The following TRPM2 variants were observed in gnomAD, a reference collection of about 807,000 sequenced individuals.
The protein encoded by TRPM2 is estrogen-responsive element-associated gene 1 protein.
TRPM2 carries 161 observed loss-of-function variants against 174.0 expected under a neutral mutation model. That is an observed-to-expected ratio of 0.93 (90% CI 0.81 to 1.05). The LOEUF is 1.05. Among genes scored for constraint, TRPM2 ranks in the 50% least tolerant of loss-of-function variants. The probability of loss-of-function intolerance (pLI) is 0.00; values close to 1 mark genes in which losing one functional copy is unlikely to be tolerated. For synonymous variants in TRPM2, 954 were observed against 861.3 expected (o/e 1.11, Z -1.88); for missense variants, 2,057 against 2,038.0 (o/e 1.01, Z -0.18).
Position 44,367,955 on chromosome 21 carries a change from T to C in TRPM2, c.604+1021T>C, listed in dbSNP as rs558903959. 6.6e-5 allele frequency among the ~76,000 whole-genome samples: 10 copies of C among 152,358 alleles called. No homozygotes were observed. The East Asian group carries it at 1.9e-3, about 29-fold the overall frequency. On this transcript the variant is annotated intron_variant, in intron 4 of 31. Transcript: ENST00000397928. This position sits in a 1 kb window ranked among gnomAD's most constrained non-coding sequence, Gnocchi z 4.6. ...AGGCTCTTTCTGAAGCTTTGCTGCCTCAAATAATGCCATGGATTTGTTCAG... is the reference window on the plus strand; with the variant it reads ...AGGCTCTTTCTGAAGCTTTGCTGCCCCAAATAATGCCATGGATTTGTTCAG...
In TRPM2 at chr21:44,367,680, C is replaced by T. The variant is rs2048400467; in HGVS notation, c.604+746C>T. ...GGTGACTACTTGGCAATGTTGCGTC[C>T]GGATGGGCCTAGAGTCACCCTGCTC... On this transcript the variant is annotated intron_variant, in intron 4 of 31. Coordinates refer to ENST00000397928, the MANE Select transcript of TRPM2 (RefSeq NM_003307.4). The surrounding 1 kb of genome is among the most constrained non-coding windows in gnomAD (Gnocchi z 4.6). 1.3e-5 allele frequency among the ~76,000 whole-genome samples: 2 copies of T among 152,184 alleles called. No individual in the cohort carries two copies. Among genetic ancestry groups the T allele is most frequent in the South Asian group, 2.1e-4 (1 of 4,826 alleles).
intron 2 of TRPM2, among the ~76,000 whole-genome samples, chr21:44,357,783 G>A (rs900371658): frequency 6.6e-5 from 10 of 152,192 alleles, no homozygotes; most frequent in Non-Finnish European, 1.2e-4. Context: ...CAAAAGCCCC[G>A]TTCCCAGACA....
rs761772781 is a variant in TRPM2, at chr21:44,425,801, G to C, written c.3769G>C (p.Val1257Leu). ...YPNCPVTRFP[V>L]PNEKVPWETE... ...CAACTGCCCTGTCACGCGCTTCCCC[G>C]TGCCCAACGAGAAGGTGCCCTGGGA... Residue 1257 changes from valine (V) to leucine (L), a missense_variant, in exon 25 of 32, where the codon GTG becomes CTG. Val to Leu is a conservative substitution (Grantham distance 32). Coordinates refer to ENST00000397928, the MANE Select transcript of TRPM2 (RefSeq NM_003307.4). 6.3e-7 allele frequency: 1 copy of C among 1,580,206 alleles called. No individual in the cohort carries two copies. The highest frequency in any genetic ancestry group is 8.7e-7 in the Non-Finnish European group (1 of 1,155,490).
chr21:44,432,264 C>T lies in TRPM2; in HGVS notation c.3975-2867C>T, dbSNP rs569362237. 6.6e-6 allele frequency among the ~76,000 whole-genome samples: 1 copy of T among 152,332 alleles called. No homozygotes were observed. Among genetic ancestry groups the T allele is most frequent in the African/African-American group, 2.4e-5 (1 of 41,568 alleles). On this transcript the variant is annotated intron_variant, in intron 27 of 31. Coordinates refer to ENST00000397928, the MANE Select transcript of TRPM2 (RefSeq NM_003307.4). This position sits in a 1 kb window ranked among gnomAD's most constrained non-coding sequence, Gnocchi z 4.9. ...CTGAGGGCTTGAGGGGAGACCTCTTCCTGCCTCTCCAGCTCCTGGTGTTCC... is the reference window on the plus strand; with the variant it reads ...CTGAGGGCTTGAGGGGAGACCTCTTTCTGCCTCTCCAGCTCCTGGTGTTCC...
intron 2 of TRPM2, among the ~76,000 whole-genome samples, chr21:44,359,195 T>C (rs940739190): frequency 3.3e-5 from 5 of 151,336 alleles, no homozygotes; most frequent in Admixed American, 3.3e-4. Context: ...CATTTTACAG[T>C]GTGCGGATTG....
At chr21:44,403,840 CAT>C (rs989171554) in intron 16 of TRPM2, among the ~76,000 whole-genome samples, 1 of 151,684 alleles carries the variant, frequency 6.6e-6, no homozygotes, top group African/African-American at 2.4e-5. Context: ...TGCATACACA[CAT>C]TACACGTGTG....
chr21:44,440,940 G>A (rs1405199597), intron 31 of TRPM2, 35 bp downstream of exon 31: 1 of 1,596,002 alleles, frequency 6.3e-7, no homozygotes, highest in Non-Finnish European at 8.6e-7. Flanking sequence ...CGGGAGTGGG[G>A]AGGCAGGGAC....
intron 27 of TRPM2, among the ~76,000 whole-genome samples, chr21:44,433,239 G>C (rs748158633): frequency 6.6e-6 from 1 of 152,262 alleles, no homozygotes. Context: ...ACAGTGAGAT[G>C]ACAGCAGGGC....
chr21:44,381,190 C>T lies in TRPM2; in HGVS notation c.1216-1528C>T, dbSNP rs60578912. On this transcript the variant is annotated intron_variant, in intron 8 of 31. Coordinates refer to ENST00000397928, the MANE Select transcript of TRPM2 (RefSeq NM_003307.4). The stretch of plus-strand genomic sequence containing the variant: ...ATGTGGAGGCAATGGGGCCAGGCTG[C>T]GGACGAGGAGAGAAGCAGGGGAGGC... Among the ~76,000 whole-genome samples the T allele has an allele frequency of 6.6e-5, 10 of 151,922 alleles. No homozygotes were observed. The East Asian group carries it at 9.7e-4, about 15-fold the overall frequency.
chr21:44,362,162 TC>T (rs2048226783), intron 2 of TRPM2, among the ~76,000 whole-genome samples: 3 of 152,262 alleles, frequency 2.0e-5, no homozygotes, highest in African/African-American at 7.2e-5. Flanking sequence ...TACATCTCTG[TC>T]CCCTTCTTAA....
intron 5 of TRPM2, among the ~76,000 whole-genome samples, chr21:44,373,585 G>A (rs188509238): frequency 3.8e-5 from 4 of 106,228 alleles, no homozygotes; most frequent in South Asian, 3.0e-4. Context: ...CATTATATGC[G>A]ACCTGCATTA....
At chr21:44,419,570 G>GTGGTGGGGTGC (rs1569097423) in intron 22 of TRPM2, among the ~76,000 whole-genome samples, 23 of 148,730 alleles carry the variant, frequency 1.5e-4, no homozygotes, top group South Asian at 4.3e-4. Flanking sequence ...GATGGTGGTG[G>GTGGTGGGGTGC]TGGTGATGGT....
intron 4 of TRPM2, among the ~76,000 whole-genome samples, chr21:44,368,562 G>A (rs1038885358): frequency 6.6e-6 from 1 of 152,060 alleles, no homozygotes; most frequent in Non-Finnish European, 1.5e-5. Flanking sequence ...CTCCTGAGTA[G>A]CTGGGACTGC....
intron 19 of TRPM2, among the ~76,000 whole-genome samples, chr21:44,407,476 T>TA (rs1044767227): frequency 1.1e-5 from 1 of 93,180 alleles, no homozygotes; most frequent in African/African-American, 3.7e-5. Context: ...TTTTTTTTTT[T>TA]AACAGCTTCA....
At chr21:44,361,191 A>C (rs1474171228) in intron 2 of TRPM2, among the ~76,000 whole-genome samples, 1 of 152,114 alleles carries the variant, frequency 6.6e-6, no homozygotes, top group Non-Finnish European at 1.5e-5. Context: ...TCTGGAGTGC[A>C]ATGGCACGAT....
Position 44,405,408 on chromosome 21 carries a change from G to A in TRPM2, c.2657+148G>A, listed in dbSNP as rs1378105943. ...TGTCATCTGTCCAATGGGTGTCCAG[G>A]CAACAGCGCCCCACCTACCCTTGGG... On this transcript the variant is annotated intron_variant, in intron 17 of 31. Coordinates refer to ENST00000397928, the MANE Select transcript of TRPM2 (RefSeq NM_003307.4). 36 of 1,232,646 alleles carry A rather than the reference G, an allele frequency of 2.9e-5. No individual in the cohort carries two copies. In the East Asian group the frequency reaches 8.7e-4, roughly 30 times the overall value. The allele number at this position is 1,232,646 out of a possible 1,614,324, so 76.4% of individuals were successfully genotyped here.
intron 16 of TRPM2, among the ~76,000 whole-genome samples, chr21:44,403,939 CACAT>C (rs1478530482): frequency 3.1e-5 from 4 of 130,080 alleles, no homozygotes; most frequent in Admixed American, 8.2e-5. Flanking sequence ...ACACAATATA[CACAT>C]ACACATATGC....
At chr21:44,401,922 G>T (rs200023710) in intron 16 of TRPM2, 25 bp downstream of exon 16, 1 of 1,612,674 alleles carries the variant, frequency 6.2e-7, no homozygotes, top group Non-Finnish European at 8.5e-7. Context: ...GCTTTTCCAC[G>T]CCCCAGCCCG....
chr21:44,379,791 C>T (rs1297618817), intron 8 of TRPM2, among the ~76,000 whole-genome samples: 4 of 152,220 alleles, frequency 2.6e-5, no homozygotes, highest in Admixed American at 2.6e-4. Context: ...GAGAGCCTCT[C>T]CCCTCCCTGT....
Sources: gnomAD v4.1 joint callset for allele counts (sites outside exome capture counted in the v4.1 genomes callset) on GRCh38, gnomAD v4.1.1 for gene constraint, Gnocchi (gnomAD v3.1) non-coding constraint, MANE v1.5 for transcripts, NCBI Gene and HGNC (gene_info 2026-07-23, HGNC 2026-07-21) for gene names.